The following APBB2 variants were observed in gnomAD, a reference collection of about 807,000 sequenced individuals.
APBB2 encodes amyloid beta precursor protein binding family B member 2.
A neutral mutation model predicts 82.5 loss-of-function variants in APBB2; 38 were observed. The observed-to-expected ratio is 0.46, with a 90% CI of 0.36 to 0.60. The LOEUF (loss-of-function observed/expected upper bound fraction) is 0.60, where lower values mean the gene tolerates loss of function less well. Among genes scored for constraint, APBB2 ranks in the 20% least tolerant of loss-of-function variants. APBB2 has a pLI of 0.00. For synonymous variants in APBB2, 341 were observed against 368.2 expected, an observed-to-expected ratio of 0.93 and a Z score of 0.85; for missense variants, 772 against 972.3, an observed-to-expected ratio of 0.79 and a Z score of 2.74.
chr4:40,851,644 G>C (rs1321699557), intron 12 of APBB2, among the ~76,000 whole-genome samples: 2 of 150,882 alleles, frequency 1.3e-5, no homozygotes, highest in Non-Finnish European at 1.5e-5. Context: ...GATTGAAATG[G>C]CTGGAAGCTC....
chr4:40,845,870 T>C (rs896057192), intron 12 of APBB2, among the ~76,000 whole-genome samples: 1 of 152,014 alleles, frequency 6.6e-6, no homozygotes. Flanking sequence ...CACACCATTA[T>C]CCACAGGACA....
At chr4:41,120,590 C>T (rs1441325304) in intron 2 of APBB2, among the ~76,000 whole-genome samples, 1 of 152,106 alleles carries the variant, frequency 6.6e-6, no homozygotes, top group South Asian at 2.1e-4. Context: ...GTTTTCTTTT[C>T]CCCTGGGGCC....
chr4:40,964,531 T>C (rs1794121126), intron 6 of APBB2, among the ~76,000 whole-genome samples: 1 of 152,102 alleles, frequency 6.6e-6, no homozygotes, highest in African/African-American at 2.4e-5. Context: ...GCCACATGCC[T>C]TCTCATGCAG....
chr4:41,110,448 TAA>T (rs1253858191), intron 2 of APBB2, among the ~76,000 whole-genome samples: 1 of 151,752 alleles, frequency 6.6e-6, no homozygotes, highest in Non-Finnish European at 1.5e-5. Flanking sequence ...ACTAAAAATA[TAA>T]AAGTCAGCTG....
chr4:40,825,845 C>T (rs769726431), intron 15 of APBB2, 42 bp downstream of exon 15: 21 of 1,562,244 alleles, frequency 1.3e-5, no homozygotes, highest in Admixed American at 1.0e-4. Context: ...TGTGAGCTCC[C>T]GCACACTTGC....
chr4:41,186,197 A>C (rs1334646941), intron 1 of APBB2, among the ~76,000 whole-genome samples: 1 of 152,238 alleles, frequency 6.6e-6, no homozygotes, highest in Non-Finnish European at 1.5e-5. Context: ...AAATGCAATA[A>C]GATAACATTA....
intron 6 of APBB2, among the ~76,000 whole-genome samples, chr4:40,979,561 C>A (rs1479516298): frequency 6.6e-6 from 1 of 152,184 alleles, no homozygotes; most frequent in African/African-American, 2.4e-5. Flanking sequence ...CTGGATGGGC[C>A]TGACCTAATC....
At chr4:41,035,571 T>C (rs1718807084) in intron 4 of APBB2, among the ~76,000 whole-genome samples, 1 of 152,150 alleles carries the variant, frequency 6.6e-6, no homozygotes. Context: ...AAGTAATAGA[T>C]ACTCAAGAAA....
chr4:40,975,403 G>T (rs1472474762), intron 6 of APBB2, among the ~76,000 whole-genome samples: 1 of 151,954 alleles, frequency 6.6e-6, no homozygotes, highest in African/African-American at 2.4e-5. Flanking sequence ...TCACTCCCCT[G>T]CACCACAGTG....
intron 12 of APBB2, among the ~76,000 whole-genome samples, chr4:40,865,660 A>C (rs751684563): frequency 1.3e-4 from 20 of 152,326 alleles, no homozygotes; most frequent in Non-Finnish European, 2.5e-4. Context: ...GATGTACAAG[A>C]GTTTGTGTAT....
intron 7 of APBB2, among the ~76,000 whole-genome samples, chr4:40,942,305 C>T (rs1200752255): frequency 1.3e-5 from 2 of 152,116 alleles, no homozygotes; most frequent in Non-Finnish European, 2.9e-5. Flanking sequence ...GCACCTTTAA[C>T]CAGCTTCCAC....
chr4:40,921,750 T>G (rs1259060306), intron 10 of APBB2, among the ~76,000 whole-genome samples: 1 of 152,242 alleles, frequency 6.6e-6, no homozygotes, highest in Non-Finnish European at 1.5e-5. Context: ...AGCATGGCTC[T>G]CAGGAGAAGC....
intron 6 of APBB2, among the ~76,000 whole-genome samples, chr4:40,992,379 T>G (rs1802388410): frequency 6.6e-6 from 1 of 150,692 alleles, no homozygotes; most frequent in Non-Finnish European, 1.5e-5. Context: ...GGTCTTTCTA[T>G]GTTGCCCATG....
chr4:40,820,931 C>T (rs1052804975), intron 17 of APBB2, among the ~76,000 whole-genome samples: 11 of 152,056 alleles, frequency 7.2e-5, no homozygotes, highest in South Asian at 2.1e-4. Context: ...TGCAATGACG[C>T]GATCTCGGTT....
intron 13 of APBB2, 72 bp from the exon 14 acceptor site, chr4:40,827,291 A>C: frequency 7.3e-7 from 1 of 1,369,726 alleles, no homozygotes; most frequent in Non-Finnish European, 1.0e-6. Context: ...CAGCCTGTAA[A>C]GTGTCTAGGT....
At chr4:40,981,442 C>T (rs62412066) in intron 6 of APBB2, among the ~76,000 whole-genome samples, 39,233 of 151,994 alleles carry the variant, frequency 0.26, 5,256 homozygotes, top group Middle Eastern at 0.34. Flanking sequence ...GTAAAATCTA[C>T]TGATGTTGAT....
At position 41,049,314 on chromosome 4, in the gene APBB2, C is replaced by T. The variant is rs533671789; in HGVS notation, c.-50-16010G>A. 8.7e-5 allele frequency among the ~76,000 whole-genome samples: 10 copies of T among 115,086 alleles called. No homozygotes were observed. The East Asian group carries it at 2.7e-3, about 31-fold the overall frequency. The allele number at this position is 115,086 out of a possible 152,430, so 75.5% of individuals were successfully genotyped here. On this transcript the variant is annotated intron_variant, in intron 4 of 17. Transcript: ENST00000508593. ...GTGAGGAGCCCCTCTGCCCGGCAGC[C>T]GCCCCGTCGGAGAAGTGAGGAGCGT... is the stretch of plus-strand genomic sequence containing the variant.
chr4:41,077,902 T>C (rs1736196338), intron 3 of APBB2, among the ~76,000 whole-genome samples: 1 of 152,060 alleles, frequency 6.6e-6, no homozygotes, highest in Admixed American at 6.6e-5. Flanking sequence ...CCAAGAAAAA[T>C]GTCACATGCA....
intron 1 of APBB2, among the ~76,000 whole-genome samples, chr4:41,202,295 A>T (rs1776891426): frequency 6.6e-6 from 1 of 152,216 alleles, no homozygotes; most frequent in Non-Finnish European, 1.5e-5. Flanking sequence ...CAATCCATAC[A>T]AGTAGAATTG....
Sources: gnomAD v4.1 joint callset for allele counts (sites outside exome capture counted in the v4.1 genomes callset) on GRCh38, gnomAD v4.1.1 for gene constraint, MANE v1.5 for transcripts, NCBI Gene and HGNC (gene_info 2026-07-23, HGNC 2026-07-21) for gene names.